Variants in RAPGEF6 observed in about 807,000 individuals in gnomAD.
RAPGEF6 encodes PDZ domain containing guanine nucleotide exchange factor (GEF) 2.
Under a neutral mutation model 171.4 loss-of-function variants are expected in RAPGEF6, and 56 were observed. The observed-to-expected ratio is 0.33, with a 90% CI of 0.26 to 0.41. RAPGEF6 has a LOEUF of 0.41. Among genes scored for constraint, RAPGEF6 ranks in the 10% least tolerant of loss-of-function variants. The probability of loss-of-function intolerance (pLI) is 1.00; values close to 1 mark genes in which losing one functional copy is unlikely to be tolerated. For missense variants in RAPGEF6, 1,674 were observed against 1,921.4 expected (o/e 0.87, Z 2.41); for synonymous variants, 692 against 650.1 (o/e 1.06, Z -0.98).
chr5:131,635,001 C>T lies in RAPGEF6; in HGVS notation c.30G>A (p.Arg10=). ...CGGGTGGCTTCTTCCTCAACGCCTG[C>T]CTAGCGCCAGGGTCCACGGGTGAGT... The part of the protein sequence containing the change: MNSPVDPGA[R]QALRKKPPER... The change falls in exon 1 of 28, where the codon AGG becomes AGA. Residue 10 remains arginine (R), a synonymous_variant. Transcript: ENST00000509018. The T allele has an allele frequency of 6.2e-7, 1 of 1,613,820 alleles. No individual in the cohort carries two copies. The highest frequency in any genetic ancestry group is 8.5e-7 in the Non-Finnish European group (1 of 1,179,780).
chr5:131,430,959 C>T lies in RAPGEF6; in HGVS notation c.4365G>A (p.Leu1455=). 1 of 1,614,144 alleles carries T rather than the reference C, an allele frequency of 6.2e-7. No homozygotes were observed. Among genetic ancestry groups the T allele is most frequent in the Non-Finnish European group, 8.5e-7 (1 of 1,180,020 alleles). Residue 1455 remains leucine, a synonymous_variant, in exon 26 of 28, where the codon TTG becomes TTA. Coordinates refer to ENST00000509018, the MANE Select transcript of RAPGEF6 (RefSeq NM_016340.6). ...PNYGTVKQRV[L]ESTPAESSEG... ...CAGATGACTCAGCTGGGGTGCTCTC[C>T]AATACTCTCTGTTTAACTGTCCCAT...
At chr5:131,457,356 C>T (rs572759946) in intron 19 of RAPGEF6, among the ~76,000 whole-genome samples, 1 of 152,324 alleles carries the variant, frequency 6.6e-6, no homozygotes, top group African/African-American at 2.4e-5. Context: ...CAGGCATGAG[C>T]CACCATGCCA....
chr5:131,580,846 C>T (rs999022834), intron 4 of RAPGEF6, among the ~76,000 whole-genome samples: 6 of 152,286 alleles, frequency 3.9e-5, no homozygotes, highest in South Asian at 2.1e-4. Flanking sequence ...TGTGCCTACC[C>T]GCCAACTGGA....
chr5:131,555,028 A>G (rs1761144431), intron 5 of RAPGEF6, among the ~76,000 whole-genome samples: 1 of 152,222 alleles, frequency 6.6e-6, no homozygotes, highest in Non-Finnish European at 1.5e-5. Flanking sequence ...AATGAATACA[A>G]ATAGAAAAGT....
chr5:131,430,794 T>C lies in RAPGEF6; in HGVS notation c.4465+65A>G, dbSNP rs566820992. 6 of 1,578,022 alleles carry C rather than the reference T, an allele frequency of 3.8e-6. No homozygotes were observed. In the South Asian group the frequency reaches 7.0e-5, roughly 18 times the overall value. ...GCGACGATAAAATCCAGGGCCAAGA[T>C]ATCCCAATGCCATTTTTTGACTACT... On this transcript the variant is annotated intron_variant, in intron 26 of 27. Coordinates refer to ENST00000509018, the MANE Select transcript of RAPGEF6 (RefSeq NM_016340.6).
At chr5:131,512,959 G>C (rs977625323) in intron 7 of RAPGEF6, among the ~76,000 whole-genome samples, 2 of 152,084 alleles carry the variant, frequency 1.3e-5, no homozygotes, top group Non-Finnish European at 2.9e-5. Flanking sequence ...ATAAATTTCT[G>C]GTGTTTATAA....
intron 17 of RAPGEF6, among the ~76,000 whole-genome samples, chr5:131,468,331 C>CAAA (rs397760383): frequency 2.2e-4 from 10 of 46,014 alleles, no homozygotes; most frequent in East Asian, 6.3e-4. Flanking sequence ...GACTCCATCT[C>CAAA]AAAAAAAAAA....
chr5:131,509,523 A>G (rs1228842649), intron 8 of RAPGEF6, among the ~76,000 whole-genome samples: 2 of 151,046 alleles, frequency 1.3e-5, no homozygotes, highest in African/African-American at 5.0e-5. Flanking sequence ...AGCCTGGGCG[A>G]CAGAGTGAGA....
chr5:131,440,123 G>A (rs1445978859), intron 23 of RAPGEF6: 9 of 431,636 alleles, frequency 2.1e-5, no homozygotes, highest in Middle Eastern at 3.4e-4. Flanking sequence ...GGGGCAGTGT[G>A]GGGATGTTGG....
At chr5:131,601,083 C>CGA (rs530438681) in intron 3 of RAPGEF6, among the ~76,000 whole-genome samples, 1 of 134,296 alleles carries the variant, frequency 7.4e-6, no homozygotes, top group Non-Finnish European at 1.6e-5. Flanking sequence ...AACTCCATTT[C>CGA]AAAAAAAAAA....
At chr5:131,461,604 T>C in intron 19 of RAPGEF6, 101 bp downstream of exon 19, 1 of 1,152,922 alleles carries the variant, frequency 8.7e-7, no homozygotes, top group Non-Finnish European at 1.2e-6. Flanking sequence ...GGCATATTAA[T>C]TGAACATTTC....
chr5:131,634,468 C>A (rs1360629321), intron 1 of RAPGEF6, among the ~76,000 whole-genome samples: 2 of 152,204 alleles, frequency 1.3e-5, no homozygotes, highest in East Asian at 1.9e-4. Flanking sequence ...AAACATGCAT[C>A]ATCTACTACA....
intron 9 of RAPGEF6, among the ~76,000 whole-genome samples, chr5:131,506,238 T>G (rs1757364023): frequency 6.6e-6 from 1 of 152,208 alleles, no homozygotes; most frequent in Admixed American, 6.5e-5. Context: ...AGTCTTGCAC[T>G]CAAGTGATCC....
At chr5:131,435,056 A>G (rs1751932302) in intron 24 of RAPGEF6, among the ~76,000 whole-genome samples, 1 of 152,230 alleles carries the variant, frequency 6.6e-6, no homozygotes, top group African/African-American at 2.4e-5. Context: ...AAAGAGGATG[A>G]CAACATCCTT....
intron 24 of RAPGEF6, among the ~76,000 whole-genome samples, 164 bp from the exon 25 acceptor site, chr5:131,433,822 A>G (rs573607852): frequency 6.6e-6 from 1 of 152,216 alleles, no homozygotes; most frequent in East Asian, 1.9e-4. Flanking sequence ...AATTTTCTCC[A>G]CACATTCCCC....
chr5:131,432,445 T>C, intron 25 of RAPGEF6, among the ~76,000 whole-genome samples: 1 of 152,026 alleles, frequency 6.6e-6, no homozygotes, highest in African/African-American at 2.4e-5. Context: ...GGTGAAACCC[T>C]GTCTCTACTA....
intron 6 of RAPGEF6, among the ~76,000 whole-genome samples, chr5:131,531,797 T>A (rs993560507): frequency 2.0e-5 from 3 of 152,144 alleles, no homozygotes; most frequent in East Asian, 1.9e-4. Context: ...TGAAGCAAGT[T>A]AGAGTATGAT....
intron 16 of RAPGEF6, among the ~76,000 whole-genome samples, chr5:131,474,728 A>AT (rs2149850332): frequency 6.6e-6 from 1 of 152,362 alleles, no homozygotes; most frequent in Admixed American, 6.5e-5. Flanking sequence ...GTAAGAGAAA[A>AT]TAAGAGGAAA....
At chr5:131,445,919 A>C (rs77172912) in intron 22 of RAPGEF6, among the ~76,000 whole-genome samples, 2 of 152,152 alleles carry the variant, frequency 1.3e-5, no homozygotes, top group Non-Finnish European at 2.9e-5. Flanking sequence ...CTTAGAATTC[A>C]TAATTTCCTT....
Sources: gnomAD v4.1 joint callset for allele counts (sites outside exome capture counted in the v4.1 genomes callset) on GRCh38, gnomAD v4.1.1 for gene constraint, MANE v1.5 for transcripts, NCBI Gene and HGNC (gene_info 2026-07-23, HGNC 2026-07-21) for gene names.